The following ZNF438 variants were observed in gnomAD, a reference collection of about 807,000 sequenced individuals.
ZNF438 encodes zinc finger protein 438.
Under a neutral mutation model 38.0 loss-of-function variants are expected in ZNF438, and 25 were observed. The observed-to-expected ratio is 0.66, with a 90% CI of 0.48 to 0.92. The LOEUF (loss-of-function observed/expected upper bound fraction) is 0.92, where lower values mean the gene tolerates loss of function less well. Among genes scored for constraint, ZNF438 ranks in the 40% least tolerant of loss-of-function variants. The pLI is 0.00. For missense variants in ZNF438, 1,007 were observed against 999.6 expected, an observed-to-expected ratio of 1.01 and a Z score of -0.10; for synonymous variants, 372 against 364.1, an observed-to-expected ratio of 1.02 and a Z score of -0.25.
At chr10:30,979,194 G>A (rs1466618542) in intron 1 of ZNF438, among the ~76,000 whole-genome samples, 1 of 152,208 alleles carries the variant, frequency 6.6e-6, no homozygotes, top group East Asian at 1.9e-4. Context: ...CAGCTCTAAT[G>A]GAGATGTACA....
intron 2 of ZNF438, among the ~76,000 whole-genome samples, chr10:30,926,432 C>T (rs2135126292): frequency 6.6e-6 from 1 of 152,210 alleles, no homozygotes; most frequent in East Asian, 1.9e-4. Context: ...CTTTGGGAGG[C>T]CGAGGCGAGT....
At chr10:30,992,793 A>G (rs946228492) in intron 1 of ZNF438, among the ~76,000 whole-genome samples, 2 of 152,248 alleles carry the variant, frequency 1.3e-5, no homozygotes, top group Non-Finnish European at 2.9e-5. Flanking sequence ...AAGAGGCCTC[A>G]GATGGAAATG....
intron 4 of ZNF438, among the ~76,000 whole-genome samples, chr10:30,858,399 T>C (rs889651064): frequency 5.9e-5 from 9 of 152,166 alleles, no homozygotes; most frequent in Admixed American, 4.6e-4. Flanking sequence ...AAAAGCAATG[T>C]CTCATAACAC....
At chr10:30,880,788 G>A (rs538452859) in intron 3 of ZNF438, among the ~76,000 whole-genome samples, 53 of 152,000 alleles carry the variant, frequency 3.5e-4, no homozygotes, top group Non-Finnish European at 5.1e-4. Context: ...ATGAGAATAC[G>A]TCATGACCAA....
intron 1 of ZNF438, among the ~76,000 whole-genome samples, chr10:30,947,911 G>T (rs2047636769): frequency 6.6e-6 from 1 of 152,296 alleles, no homozygotes; most frequent in East Asian, 1.9e-4. Flanking sequence ...TGCGCCCACT[G>T]TCTGGCACTC....
At chr10:30,974,757 C>G (rs1175274202) in intron 1 of ZNF438, among the ~76,000 whole-genome samples, 1 of 152,156 alleles carries the variant, frequency 6.6e-6, no homozygotes, top group African/African-American at 2.4e-5. Context: ...TACCCTGGTC[C>G]TCTGGTCAGA....
chr10:30,869,240 G>A (rs1481543767), intron 4 of ZNF438, among the ~76,000 whole-genome samples: 2 of 152,150 alleles, frequency 1.3e-5, no homozygotes, highest in Admixed American at 6.5e-5. Context: ...CAGGTGTGGT[G>A]GTGCGTGCCT....
exon 5 of ZNF438, chr10:30,849,867 G>A (rs2033218830): frequency 1.1e-5 from 18 of 1,614,140 alleles, no homozygotes; most frequent in Non-Finnish European, 1.5e-5. Context: ...TCTAGTGATG[G>A]TACTTCCTCA....
intron 3 of ZNF438, among the ~76,000 whole-genome samples, chr10:30,899,342 C>T (rs1475153304): frequency 6.6e-6 from 1 of 152,134 alleles, no homozygotes; most frequent in African/African-American, 2.4e-5. Context: ...AGAAACAGCA[C>T]ATAGACAGAA....
At chr10:30,845,701 CAG>C (rs1296246922) in intron 5 of ZNF438, 128 bp from the exon 7 acceptor site, 3 of 1,126,272 alleles carry the variant, frequency 2.7e-6, no homozygotes, top group South Asian at 1.6e-5. Flanking sequence ...CTGGGGTAAA[CAG>C]AGAGCACCTG....
intron 1 of ZNF438, among the ~76,000 whole-genome samples, chr10:30,981,348 C>G (rs1473559550): frequency 1.3e-5 from 2 of 152,126 alleles, no homozygotes; most frequent in African/African-American, 4.8e-5. Flanking sequence ...CTGAAATAAT[C>G]CGAAGTTTAC....
exon 6 of ZNF438, chr10:30,844,867 T>C (rs2031501835): frequency 1.4e-6 from 2 of 1,450,670 alleles, no homozygotes; most frequent in South Asian, 2.7e-5. Flanking sequence ...ATCCTGTTGT[T>C]TGATCTTTGT....
At chr10:30,922,845 A>G (rs966844298) in intron 2 of ZNF438, among the ~76,000 whole-genome samples, 7 of 152,140 alleles carry the variant, frequency 4.6e-5, no homozygotes, top group Admixed American at 1.3e-4. Flanking sequence ...CAAAAAAAAA[A>G]AAAGAAAAAG....
intron 2 of ZNF438, among the ~76,000 whole-genome samples, chr10:30,924,392 T>C (rs2044674036): frequency 6.6e-6 from 1 of 152,168 alleles, no homozygotes; most frequent in Non-Finnish European, 1.5e-5. Flanking sequence ...ATAGGAACTC[T>C]AGAGAGGCAA....
chr10:30,927,157 A>G (rs2045044036), intron 2 of ZNF438, among the ~76,000 whole-genome samples: 1 of 152,200 alleles, frequency 6.6e-6, no homozygotes, highest in African/African-American at 2.4e-5. Context: ...TGATCCACAC[A>G]GTCACTCCAA....
intron 2 of ZNF438, among the ~76,000 whole-genome samples, chr10:30,940,863 AT>A (rs1248683830): frequency 6.6e-6 from 1 of 152,164 alleles, no homozygotes; most frequent in African/African-American, 2.4e-5. Flanking sequence ...TTAACAAAAT[AT>A]TTCTTTAAAT....
intron 2 of ZNF438, chr10:30,919,394 T>C (rs1450664023): frequency 6.6e-6 from 1 of 152,222 alleles, no homozygotes; most frequent in African/African-American, 2.4e-5. Flanking sequence ...CTTTGTCAAA[T>C]TTTTCCACTT....
intron 5 of ZNF438, among the ~76,000 whole-genome samples, chr10:30,847,200 G>A (rs770104867): frequency 1.5e-4 from 23 of 152,242 alleles, no homozygotes; most frequent in Non-Finnish European, 2.5e-4. Context: ...CAGGTTGCCA[G>A]TCATGTGGAC....
At chr10:31,021,946 C>T (rs1008191768) in intron 1 of ZNF438, among the ~76,000 whole-genome samples, 5 of 152,198 alleles carry the variant, frequency 3.3e-5, no homozygotes, top group Admixed American at 2.0e-4. Context: ...GACCATTCTA[C>T]GGTCGTTTGG....
Sources: gnomAD v4.1 joint callset for allele counts (sites outside exome capture counted in the v4.1 genomes callset) on GRCh38, gnomAD v4.1.1 for gene constraint, MANE v1.5 for transcripts, NCBI Gene and HGNC (gene_info 2026-07-23, HGNC 2026-07-21) for gene names.